Variants in PELI2 observed in about 807,000 individuals in gnomAD.
PELI2 encodes pellino E3 ubiquitin protein ligase family member 2, also known as E3 ubiquitin-protein ligase pellino homolog 2.
PELI2 carries 23 observed loss-of-function variants against 42.3 expected under a neutral mutation model. The observed-to-expected ratio is 0.54, with a 90% CI of 0.39 to 0.77. PELI2 has a LOEUF of 0.77. Among genes scored for constraint, PELI2 ranks in the 30% least tolerant of loss-of-function variants. The pLI is 0.00. For missense variants in PELI2, 463 were observed against 553.2 expected (o/e 0.84, Z 1.64); for synonymous variants, 245 against 212.2 (o/e 1.15, Z -1.34).
chr14:56,285,614 G>A (rs538468344), intron 3 of PELI2, among the ~76,000 whole-genome samples: 152 of 152,164 alleles, frequency 1.0e-3, no homozygotes, highest in African/African-American at 3.1e-3. Flanking sequence ...GAGATGGACC[G>A]GCATATGCTG....
At chr14:56,238,601 AT>A (rs1887875456) in intron 2 of PELI2, among the ~76,000 whole-genome samples, 1 of 152,108 alleles carries the variant, frequency 6.6e-6, no homozygotes, top group Non-Finnish European at 1.5e-5. Context: ...CTGACTTTTG[AT>A]GGAAGGGTTC....
intron 2 of PELI2, among the ~76,000 whole-genome samples, chr14:56,237,193 T>G (rs971129325): frequency 6.6e-6 from 1 of 152,220 alleles, no homozygotes; most frequent in Non-Finnish European, 1.5e-5. Flanking sequence ...TATACATTTT[T>G]AGTTTTCAGT....
intron 2 of PELI2, among the ~76,000 whole-genome samples, chr14:56,202,256 A>C (rs1320670699): frequency 6.6e-6 from 1 of 152,152 alleles, no homozygotes; most frequent in Non-Finnish European, 1.5e-5. Context: ...GAAAAAGCAG[A>C]TAGCATCACC....
At chr14:56,198,010 A>ACACACACACCCC (rs772024884) in intron 2 of PELI2, among the ~76,000 whole-genome samples, 73 of 114,700 alleles carry the variant, frequency 6.4e-4, no homozygotes, top group East Asian at 1.9e-3. Flanking sequence ...ACACACACAC[A>ACACACACACCCC]CACCCACCTC....
chr14:56,153,442 A>AT (rs1248428193), intron 1 of PELI2, among the ~76,000 whole-genome samples: 2 of 152,292 alleles, frequency 1.3e-5, no homozygotes, highest in African/African-American at 4.8e-5. Context: ...GTGAGAGAAA[A>AT]GGGTTTGACA....
intron 1 of PELI2, among the ~76,000 whole-genome samples, chr14:56,171,548 A>G (rs766454923): frequency 1.3e-5 from 2 of 152,220 alleles, no homozygotes; most frequent in Non-Finnish European, 2.9e-5. Context: ...GTAGGTTTTC[A>G]TTGCCTACCG....
intron 2 of PELI2, among the ~76,000 whole-genome samples, chr14:56,262,653 T>C (rs1888751337): frequency 6.6e-6 from 1 of 152,174 alleles, no homozygotes. Flanking sequence ...TTTGGCCGAT[T>C]TGTAAGGTTT....
At chr14:56,201,508 A>C (rs1385979890) in intron 2 of PELI2, among the ~76,000 whole-genome samples, 1 of 152,210 alleles carries the variant, frequency 6.6e-6, no homozygotes, top group East Asian at 1.9e-4. Context: ...AGAATTTTGC[A>C]TGCATTCATC....
intron 1 of PELI2, among the ~76,000 whole-genome samples, chr14:56,140,292 A>G (rs933847605): frequency 1.3e-5 from 2 of 152,174 alleles, no homozygotes; most frequent in Non-Finnish European, 2.9e-5. Context: ...CTTCTACCCC[A>G]TTGTACTTAT....
At chr14:56,225,674 G>T (rs899743567) in intron 2 of PELI2, among the ~76,000 whole-genome samples, 3 of 152,194 alleles carry the variant, frequency 2.0e-5, no homozygotes, top group African/African-American at 7.2e-5. Context: ...AGGAGTGGTG[G>T]TGCCCACTTT....
chr14:56,168,080 C>A (rs1207300250), intron 1 of PELI2, among the ~76,000 whole-genome samples: 1 of 151,584 alleles, frequency 6.6e-6, no homozygotes, highest in Non-Finnish European at 1.5e-5. Context: ...CACAAGCACC[C>A]CTGTGGCCAG....
chr14:56,236,677 C>T (rs1887807486), intron 2 of PELI2, among the ~76,000 whole-genome samples: 1 of 152,116 alleles, frequency 6.6e-6, no homozygotes, highest in South Asian at 2.1e-4. Context: ...AGGGCAGGTT[C>T]CTCCAGAGAG....
chr14:56,123,805 A>C (rs1595533701), intron 1 of PELI2, among the ~76,000 whole-genome samples: 1 of 152,230 alleles, frequency 6.6e-6, no homozygotes, highest in African/African-American at 2.4e-5. Context: ...ACAAAGGACC[A>C]AAACAAAACA....
chr14:56,249,693 A>G (rs1214570637), intron 2 of PELI2, among the ~76,000 whole-genome samples: 2 of 152,186 alleles, frequency 1.3e-5, no homozygotes, highest in Non-Finnish European at 2.9e-5. Flanking sequence ...ATTACACAGC[A>G]TTTGGGGCAG....
chr14:56,155,967 G>A (rs543226153), intron 1 of PELI2, among the ~76,000 whole-genome samples: 6 of 152,052 alleles, frequency 3.9e-5, no homozygotes, highest in Admixed American at 2.6e-4. Context: ...CCTTATTTCC[G>A]TTTCAATTTT....
At chr14:56,169,412 T>C (rs557699899) in intron 1 of PELI2, among the ~76,000 whole-genome samples, 1 of 152,178 alleles carries the variant, frequency 6.6e-6, no homozygotes, top group South Asian at 2.1e-4. Context: ...GTTTAAATGC[T>C]CCCTCCGTGG....
chr14:56,248,606 A>G (rs1888241501), intron 2 of PELI2, among the ~76,000 whole-genome samples: 2 of 151,896 alleles, frequency 1.3e-5, no homozygotes, highest in East Asian at 3.9e-4. Context: ...AGGAGCATGG[A>G]TGGGGAGGCT....
intron 2 of PELI2, among the ~76,000 whole-genome samples, chr14:56,243,901 A>T (rs551349319): frequency 7.2e-5 from 11 of 152,354 alleles, no homozygotes; most frequent in Non-Finnish European, 1.3e-4. Context: ...AGAAAGTATC[A>T]TAATGACTTT....
chr14:56,297,325 A>G lies in PELI2; in HGVS notation c.*159A>G, dbSNP rs1238758960. On this transcript the variant is annotated 3_prime_UTR_variant, in exon 6 of 6. Coordinates refer to ENST00000267460, the MANE Select transcript of PELI2 (RefSeq NM_021255.3). ...TGGTGATGAAACATGGCAGGAGTGTAACAGATACCAGTGGTGTGTTGCATG... is the reference window on the plus strand; with the variant it reads ...TGGTGATGAAACATGGCAGGAGTGTGACAGATACCAGTGGTGTGTTGCATG... The G allele has an allele frequency of 1.6e-6, 1 of 608,100 alleles. No homozygotes were observed. Among genetic ancestry groups the G allele is most frequent in the African/African-American group, 1.8e-5 (1 of 54,102 alleles). The allele number at this position is 608,100 out of a possible 1,614,324, so 37.7% of individuals were successfully genotyped here. A position where few individuals can be genotyped will look rare whatever the true frequency, so the allele number is the denominator to read the frequency against.
Sources: gnomAD v4.1 joint callset for allele counts (sites outside exome capture counted in the v4.1 genomes callset) on GRCh38, gnomAD v4.1.1 for gene constraint, MANE v1.5 for transcripts, NCBI Gene and HGNC (gene_info 2026-07-23, HGNC 2026-07-21) for gene names.